PGS1: variants seen among roughly 807,000 people sequenced by gnomAD.
PGS1 encodes CDP-diacylglycerol--glycerol-3-phosphate 3-phosphatidyltransferase, mitochondrial.
A neutral mutation model predicts 58.3 loss-of-function variants in PGS1; 44 were observed. The observed-to-expected ratio is 0.75, with a 90% CI of 0.59 to 0.97. The LOEUF (loss-of-function observed/expected upper bound fraction) is 0.97. Ranked by LOEUF, PGS1 falls within the 50% of genes least tolerant of loss-of-function variation. The probability of loss-of-function intolerance (pLI) is 0.00; values close to 1 mark genes in which losing one functional copy is unlikely to be tolerated. For missense variants in PGS1, 684 were observed against 731.1 expected, an observed-to-expected ratio of 0.94 and a Z score of 0.74; for synonymous variants, 330 against 311.0, an observed-to-expected ratio of 1.06 and a Z score of -0.64.
intron 7 of PGS1, among the ~76,000 whole-genome samples, chr17:78,414,233 T>C (rs1018574848): frequency 6.6e-6 from 1 of 152,186 alleles, no homozygotes; most frequent in East Asian, 1.9e-4. Flanking sequence ...ACCCAGGACC[T>C]GTAAGGCAGC....
Position 78,424,057 on chromosome 17 carries a change from A to G in PGS1, c.*11-4A>G. 1 of 1,614,072 alleles carries G rather than the reference A, an allele frequency of 6.2e-7. No homozygotes were observed. The highest frequency in any genetic ancestry group is 1.6e-4 in the Middle Eastern group (1 of 6,062). ...GATGTTCTTGGTCTCCATGCGGTCC[A>G]CAGGAATGGCCTTGATGAAGATGAC... On this transcript the variant is annotated splice_region_variant and splice_polypyrimidine_tract_variant and intron_variant, in intron 9 of 9. Coordinates refer to ENST00000262764, the MANE Select transcript of PGS1 (RefSeq NM_024419.5).
Position 78,397,514 on chromosome 17 carries a change from G to T in PGS1, c.412-738G>T, listed in dbSNP as rs74458397. Among the ~76,000 whole-genome samples, 536 of 151,740 alleles carry T rather than the reference G, an allele frequency of 3.5e-3. 1 individual carries two copies. Among genetic ancestry groups the T allele is most frequent in the African/African-American group, 0.012 (514 of 41,292 alleles). On this transcript the variant is annotated intron_variant, in intron 3 of 9. Coordinates refer to ENST00000262764, the MANE Select transcript of PGS1 (RefSeq NM_024419.5). ...TGCAATGGCGCGATCTCGGCTTGCC[G>T]CAACCTCCGCCTCCTGGGTTGAAGC...
At chr17:78,380,601 C>T (rs1427788860) in intron 1 of PGS1, among the ~76,000 whole-genome samples, 1 of 152,200 alleles carries the variant, frequency 6.6e-6, no homozygotes, top group African/African-American at 2.4e-5. Context: ...GTGACGAAGT[C>T]AGATGACTTC....
intron 2 of PGS1, among the ~76,000 whole-genome samples, chr17:78,395,128 C>A (rs377621825): frequency 2.0e-5 from 3 of 152,168 alleles, no homozygotes; most frequent in Non-Finnish European, 4.4e-5. Context: ...GGGCGCACAG[C>A]GAGAAGGGAG....
At chr17:78,408,274 C>G (rs2084329148) in intron 7 of PGS1, among the ~76,000 whole-genome samples, 1 of 152,102 alleles carries the variant, frequency 6.6e-6, no homozygotes, top group Non-Finnish European at 1.5e-5. Context: ...GGTGCCTATT[C>G]AGAATACTCA....
chr17:78,393,908 G>A (rs566962561), intron 2 of PGS1, among the ~76,000 whole-genome samples: 2 of 52 alleles, frequency 0.038, no homozygotes, highest in African/African-American at 0.045. Context: ...TAGGCCAGGC[G>A]TGGTGGGGCC....
chr17:78,390,258 A>C (rs2082724550), intron 1 of PGS1, among the ~76,000 whole-genome samples: 1 of 151,810 alleles, frequency 6.6e-6, no homozygotes, highest in Non-Finnish European at 1.5e-5. Context: ...GCCCTGCGTT[A>C]CACATCTAGG....
chr17:78,401,210 G>C lies in PGS1; in HGVS notation c.880+355G>C, dbSNP rs75899530. ...GTCTCAGGTGAACTAGCAGGGGGGT[G>C]ACAAACTCAGGTCAGGACGCAGTTA... On this transcript the variant is annotated intron_variant, in intron 6 of 9. Transcript: ENST00000262764. Among the ~76,000 whole-genome samples, 70 of 152,260 alleles carry C rather than the reference G, an allele frequency of 4.6e-4. 2 individuals are homozygous for C. The East Asian group carries it at 0.011, about 25-fold the overall frequency.
In PGS1 at chr17:78,378,658, G is replaced by C. The variant is rs1311242895; in HGVS notation, c.-8G>C. On this transcript the variant is annotated 5_prime_UTR_variant, in exon 1 of 10. Coordinates refer to ENST00000262764, the MANE Select transcript of PGS1 (RefSeq NM_024419.5). ...CGCCGGGAGCGGAAGCGGAAGCGGCGAGTCTCCATGGCGGTGGCGGCGGCA... is the reference window on the plus strand; with the variant it reads ...CGCCGGGAGCGGAAGCGGAAGCGGCCAGTCTCCATGGCGGTGGCGGCGGCA... 6.5e-7 allele frequency: 1 copy of C among 1,528,876 alleles called. No homozygotes were observed. The highest frequency in any genetic ancestry group is 2.0e-5 in the Admixed American group (1 of 49,312). 94.7% of individuals were successfully genotyped at this position (1,528,876 alleles called of 1,614,324 possible).
At chr17:78,391,888 T>G (rs1041937991) in intron 1 of PGS1, among the ~76,000 whole-genome samples, 4 of 152,186 alleles carry the variant, frequency 2.6e-5, no homozygotes, top group Non-Finnish European at 5.9e-5. Flanking sequence ...CCTCCCAAAG[T>G]GCTAGGATTA....
intron 7 of PGS1, among the ~76,000 whole-genome samples, chr17:78,407,149 C>T (rs545620599): frequency 2.0e-5 from 3 of 151,862 alleles, no homozygotes; most frequent in South Asian, 2.1e-4. Context: ...CAGCTGGATC[C>T]CAGGGCACGT....
intron 1 of PGS1, among the ~76,000 whole-genome samples, chr17:78,384,220 C>T (rs2082223305): frequency 6.6e-6 from 1 of 152,184 alleles, no homozygotes; most frequent in Non-Finnish European, 1.5e-5. Flanking sequence ...TCGTGCCGGA[C>T]TTGTTATGGG....
chr17:78,391,721 A>G (rs771626791), intron 1 of PGS1, among the ~76,000 whole-genome samples: 16 of 151,500 alleles, frequency 1.1e-4, no homozygotes, highest in African/African-American at 2.9e-4. Flanking sequence ...TAGGTTGTCT[A>G]CCTGCCTCGG....
rs115045834 is a variant in PGS1 at position 78,397,960 on chromosome 17, C to T, written c.412-292C>T. 3.3e-3 allele frequency: 1,689 copies of T among 507,474 alleles called. 19 individuals carry two copies. The highest frequency in any genetic ancestry group is 0.027 in the African/African-American group (1,391 of 51,886). The allele number at this position is 507,474 out of a possible 1,614,324, so 31.4% of individuals were successfully genotyped here. ...TTGAAATGTACGTGAGACCTGGTGT[C>T]GTAGCGTTTCCAGGGTGGCACGGGC... is the stretch of plus-strand genomic sequence containing the variant. On this transcript the variant is annotated intron_variant, in intron 3 of 9. Coordinates refer to ENST00000262764, the MANE Select transcript of PGS1 (RefSeq NM_024419.5).
At chr17:78,384,062 G>A (rs745511151) in intron 1 of PGS1, among the ~76,000 whole-genome samples, 1 of 152,222 alleles carries the variant, frequency 6.6e-6, no homozygotes, top group Non-Finnish European at 1.5e-5. Flanking sequence ...ACTTTGATGT[G>A]CCTGGTGCAT....
chr17:78,378,791 G>A lies in PGS1; in HGVS notation c.126G>A (p.Arg42=), dbSNP rs2081816016. Reference sequence around the variant, plus strand: ...TGTCCGACCGCCTCGGCAGGAACCGGGACCGCCAGCGCAGGAGGTGAGAGG... The same window carrying A: ...TGTCCGACCGCCTCGGCAGGAACCGAGACCGCCAGCGCAGGAGGTGAGAGG... The part of the protein sequence containing the change: ...GRLSDRLGRN[R]DRQRRRSPWL... The change falls in exon 1 of 10, where the codon CGG becomes CGA. Residue 42 remains arginine, a synonymous_variant. Transcript: ENST00000262764. 4.1e-6 allele frequency: 6 copies of A among 1,478,098 alleles called. No individual in the cohort carries two copies. The highest frequency in any genetic ancestry group is 5.3e-6 in the Non-Finnish European group (6 of 1,121,844). 91.6% of individuals were successfully genotyped at this position (1,478,098 alleles called of 1,614,324 possible).
chr17:78,406,054 C>A (rs1182431960), intron 7 of PGS1, among the ~76,000 whole-genome samples: 1 of 112,746 alleles, frequency 8.9e-6, no homozygotes, highest in Non-Finnish European at 2.4e-5. Flanking sequence ...CGGTGGCTCA[C>A]GCCTGTAATC....
intron 1 of PGS1, among the ~76,000 whole-genome samples, chr17:78,389,836 GA>G (rs2082689293): frequency 6.6e-6 from 1 of 151,670 alleles, no homozygotes; most frequent in Non-Finnish European, 1.5e-5. Flanking sequence ...GGCTGGTTTT[GA>G]ACTCCTGACC....
At position 78,414,993 on chromosome 17, in the gene PGS1, C is replaced by T. The variant is rs768366286; in HGVS notation, c.1517C>T (p.Thr506Met). 8.1e-6 allele frequency: 13 copies of T among 1,613,306 alleles called. No individual in the cohort carries two copies. Among genetic ancestry groups the T allele is most frequent in the Non-Finnish European group, 1.0e-5 (12 of 1,180,022 alleles). ...CTGGAGGCCCAGATTGCGATCGTGA[C>T]GGAGAACCAGGCCCTGCAGCAGCAG... ...RDLEAQIAIV[T>M]ENQALQQQLH... is the part of the protein sequence containing the mutation. The change falls in exon 8 of 10, where the codon ACG becomes ATG. Residue 506 changes from threonine to methionine, a missense_variant. By Grantham distance (81) the Thr-to-Met change is moderately conservative (BLOSUM62 -1). Transcript: ENST00000262764.
Sources: gnomAD v4.1 joint callset for allele counts (sites outside exome capture counted in the v4.1 genomes callset) on GRCh38, gnomAD v4.1.1 for gene constraint, MANE v1.5 for transcripts, NCBI Gene and HGNC (gene_info 2026-07-23, HGNC 2026-07-21) for gene names.